SPINK6: variants seen among roughly 807,000 people sequenced by gnomAD.
The protein encoded by SPINK6 is serine peptidase inhibitor Kazal type 6.
SPINK6 carries 13 observed loss-of-function variants against 11.7 expected under a neutral mutation model. That is an observed-to-expected ratio of 1.11 (90% CI 0.72 to 1.76). The LOEUF (loss-of-function observed/expected upper bound fraction) is 1.76. Ranked by LOEUF, SPINK6 falls within the 40% of genes most tolerant of loss-of-function variation. The pLI, the probability that SPINK6 is intolerant of heterozygous loss-of-function variation, is 0.00. For missense variants in SPINK6, 98 were observed against 93.7 expected (o/e 1.05, Z -0.19); for synonymous variants, 21 against 31.9 (o/e 0.66, Z 1.15).
rs1433807594 is a variant in SPINK6 at position 148,215,040 on chromosome 5, T to G, written c.*90T>G. 1.4e-5 allele frequency: 18 copies of G among 1,288,444 alleles called. No individual in the cohort carries two copies. Among genetic ancestry groups the G allele is most frequent in the Non-Finnish European group, 2.0e-5 (18 of 890,154 alleles). The allele number at this position is 1,288,444 out of a possible 1,614,324, so 79.8% of individuals were successfully genotyped here. A position where few individuals can be genotyped will look rare whatever the true frequency, so the allele number is the denominator to read the frequency against. ...TACTTTTGCTGGTGGATTCCTTTAA[T>G]TCATAAAGACATACCTACTCTGCCT... On this transcript the variant is annotated 3_prime_UTR_variant, in exon 4 of 4. Transcript: ENST00000325630.
At chr5:148,213,254 C>T (rs1192446083) in intron 2 of SPINK6, among the ~76,000 whole-genome samples, 2 of 152,142 alleles carry the variant, frequency 1.3e-5, no homozygotes, top group Admixed American at 1.3e-4. Context: ...GTCTGTCGCC[C>T]AGGCTGGAGT....
intron 2 of SPINK6, among the ~76,000 whole-genome samples, chr5:148,206,274 T>C (rs1185734410): frequency 1.3e-5 from 2 of 151,748 alleles, no homozygotes; most frequent in Non-Finnish European, 2.9e-5. Flanking sequence ...GAAGAATAAA[T>C]ATAAATAAAA....
intron 2 of SPINK6, among the ~76,000 whole-genome samples, chr5:148,208,841 AT>A (rs1755532708): frequency 6.6e-6 from 1 of 152,172 alleles, no homozygotes; most frequent in South Asian, 2.1e-4. Flanking sequence ...GACTGAATAC[AT>A]TTTGCTTTTT....
intron 2 of SPINK6, among the ~76,000 whole-genome samples, chr5:148,210,192 CTG>C (rs1561732523): frequency 7.1e-6 from 1 of 139,984 alleles, no homozygotes; most frequent in African/African-American, 2.5e-5. Flanking sequence ...ATATGTATTT[CTG>C]CATGCATATG....
In SPINK6 at chr5:148,213,998, A is replaced by G. The variant is rs762507110; in HGVS notation, c.170A>G (p.Asn57Ser). The change falls in exon 3 of 4, where the codon AAT (asparagine) becomes AGT (serine). Residue 57 changes from asparagine to serine, a missense_variant. Physicochemically the swap from Asn to Ser is conservative, Grantham distance 46. Coordinates refer to ENST00000325630, the MANE Select transcript of SPINK6 (RefSeq NM_205841.4). ...HCGSDGQTYG[N>S]KCAFCKAIVK... ...GGCTCTGATGGCCAGACATATGGCA[A>G]TAAATGTGCCTTCTGTAAGGCCATA... The G allele has an allele frequency of 1.2e-6, 2 of 1,612,592 alleles. No homozygotes were observed. Among genetic ancestry groups the G allele is most frequent in the East Asian group, 2.2e-5 (1 of 44,862 alleles).
chr5:148,213,989 C>T lies in SPINK6; in HGVS notation c.161C>T (p.Thr54Ile), dbSNP rs1223683043. 4 of 1,613,248 alleles carry T rather than the reference C, an allele frequency of 2.5e-6. No homozygotes were observed. Among genetic ancestry groups the T allele is most frequent in the African/African-American group, 2.7e-5 (2 of 74,874 alleles). The stretch of plus-strand genomic sequence containing the variant: ...CCACACTGTGGCTCTGATGGCCAGA[C>T]ATATGGCAATAAATGTGCCTTCTGT... ...SNPHCGSDGQ[T>I]YGNKCAFCKA... Residue 54 changes from threonine (T) to isoleucine (I), a missense_variant, in exon 3 of 4, where the codon ACA (threonine) becomes ATA (isoleucine). Thr to Ile is a moderately conservative substitution (Grantham distance 89). Transcript: ENST00000325630.
intron 2 of SPINK6, among the ~76,000 whole-genome samples, 155 bp from the exon 3 acceptor site, chr5:148,213,755 A>C (rs1386599374): frequency 1.3e-5 from 2 of 152,208 alleles, no homozygotes; most frequent in Non-Finnish European, 2.9e-5. Flanking sequence ...GGTAAGTAGA[A>C]TACATCAGAT....
chr5:148,213,995 G>T lies in SPINK6; in HGVS notation c.167G>T (p.Gly56Val), dbSNP rs772883989. 3.7e-6 allele frequency: 6 copies of T among 1,612,868 alleles called. No homozygotes were observed. The East Asian group carries it at 1.1e-4, about 30-fold the overall frequency. Reference sequence around the variant, plus strand: ...TGTGGCTCTGATGGCCAGACATATGGCAATAAATGTGCCTTCTGTAAGGCC... The same window carrying T: ...TGTGGCTCTGATGGCCAGACATATGTCAATAAATGTGCCTTCTGTAAGGCC... ...PHCGSDGQTY[G>V]NKCAFCKAIV... Residue 56 changes from glycine to valine, a missense_variant, in exon 3 of 4, where the codon GGC (glycine) becomes GTC (valine). Gly to Val is a moderately radical substitution (Grantham distance 109, BLOSUM62 -3). Transcript: ENST00000325630.
chr5:148,203,210 G>A, intron 1 of SPINK6, 56 bp downstream of exon 1: 1 of 1,245,542 alleles, frequency 8.0e-7, no homozygotes, highest in Non-Finnish European at 1.1e-6. Flanking sequence ...GATATGATGA[G>A]TAGTTGTTTA....
At chr5:148,210,733 G>C (rs193176761) in intron 2 of SPINK6, among the ~76,000 whole-genome samples, 1 of 152,106 alleles carries the variant, frequency 6.6e-6, no homozygotes, top group East Asian at 1.9e-4. Context: ...TCTGGAAAGA[G>C]TTTCAAAAAG....
chr5:148,213,374 T>C (rs561233239), intron 2 of SPINK6, among the ~76,000 whole-genome samples: 3 of 152,156 alleles, frequency 2.0e-5, no homozygotes, highest in African/African-American at 7.2e-5. Flanking sequence ...TTTTTTTTTG[T>C]ATTTTTAGTA....
In SPINK6 at chr5:148,206,070, T is replaced by A; in HGVS notation, c.81+12T>A. 6.2e-7 allele frequency: 1 copy of A among 1,613,984 alleles called. No homozygotes were observed. Among genetic ancestry groups the A allele is most frequent in the Non-Finnish European group, 8.5e-7 (1 of 1,179,892 alleles). On this transcript the variant is annotated intron_variant, in intron 2 of 3. Transcript: ENST00000325630. ...GTCAGGGAGGACAGGTCAGTGCCTATTTTTATCTCTGCTTTCTGCCTGGGT... is the reference window on the plus strand; with the variant it reads ...GTCAGGGAGGACAGGTCAGTGCCTAATTTTATCTCTGCTTTCTGCCTGGGT...
chr5:148,202,887 A>G (rs1755450376), upstream of SPINK6: 2 of 437,340 alleles, frequency 4.6e-6, no homozygotes, highest in South Asian at 1.3e-4. Context: ...TATTAATAAG[A>G]TCTGAGGTGC....
Position 148,206,525 on chromosome 5 carries a change from G to A in SPINK6, c.81+467G>A, listed in dbSNP as rs13357390. On this transcript the variant is annotated intron_variant, in intron 2 of 3. Transcript: ENST00000325630. ...AAATTAACATCCTCTGAAGAAGTTA[G>A]GATATAAGTTATTATTTCTTTTTCA... is the stretch of plus-strand genomic sequence containing the variant. Among the ~76,000 whole-genome samples the A allele has an allele frequency of 5.4e-3, 819 of 152,264 alleles. 11 individuals are homozygous for A. The highest frequency in any genetic ancestry group is 0.019 in the African/African-American group (783 of 41,546).
intron 2 of SPINK6, among the ~76,000 whole-genome samples, chr5:148,212,535 T>C (rs1035321486): frequency 8.6e-6 from 1 of 116,506 alleles, no homozygotes; most frequent in African/African-American, 3.6e-5. Context: ...ATATATTTTA[T>C]ATAAGTATAT....
chr5:148,211,005 T>C (rs903441097), intron 2 of SPINK6, among the ~76,000 whole-genome samples: 5 of 152,210 alleles, frequency 3.3e-5, no homozygotes, highest in African/African-American at 1.2e-4. Flanking sequence ...TTTGTGTGAT[T>C]GCAAATTTTC....
At chr5:148,212,698 T>G (rs1755626756) in intron 2 of SPINK6, among the ~76,000 whole-genome samples, 1 of 117,424 alleles carries the variant, frequency 8.5e-6, no homozygotes, top group Non-Finnish European at 1.6e-5. Context: ...AAACTATATA[T>G]TTATACAATA....
chr5:148,214,792 T>G (rs568854408), intron 3 of SPINK6, 113 bp from the exon 4 acceptor site: 4 of 796,116 alleles, frequency 5.0e-6, no homozygotes, highest in Non-Finnish European at 8.0e-6. Flanking sequence ...ATAAATGGAA[T>G]TTATAGAATC....
In SPINK6 at chr5:148,205,328, G is replaced by A. The variant is rs906438007; in HGVS notation, c.59-708G>A. Among the ~76,000 whole-genome samples, 5 of 151,916 alleles carry A rather than the reference G, an allele frequency of 3.3e-5. No homozygotes were observed. In the South Asian group the frequency reaches 8.3e-4, roughly 25 times the overall value. ...CAGCCCATTCCAAGACTGGATTGAG[G>A]GATTTTATTATTTAAGTATTTTAAA... On this transcript the variant is annotated intron_variant, in intron 1 of 3. Coordinates refer to ENST00000325630, the MANE Select transcript of SPINK6 (RefSeq NM_205841.4).
Sources: gnomAD v4.1 joint callset for allele counts (sites outside exome capture counted in the v4.1 genomes callset) on GRCh38, gnomAD v4.1.1 for gene constraint, MANE v1.5 for transcripts, NCBI Gene and HGNC (gene_info 2026-07-23, HGNC 2026-07-21) for gene names.